The following AKAP13 variants were observed in gnomAD, a reference collection of about 807,000 sequenced individuals.
The protein encoded by AKAP13 is A-kinase anchoring protein 13.
Under a neutral mutation model 264.5 loss-of-function variants are expected in AKAP13, and 80 were observed. The observed-to-expected ratio is 0.30, with a 90% confidence interval of 0.25 to 0.36. The LOEUF (loss-of-function observed/expected upper bound fraction) is 0.36, where lower values mean the gene tolerates loss of function less well. Ranked by LOEUF, AKAP13 falls within the 10% of genes least tolerant of loss-of-function variation. The pLI is 1.00. For synonymous variants in AKAP13, 1,380 were observed against 1,250.2 expected (o/e 1.10, Z -2.19); for missense variants, 3,712 against 3,435.2 (o/e 1.08, Z -2.01).
intron 2 of AKAP13, among the ~76,000 whole-genome samples, chr15:85,517,778 G>A (rs938126784): frequency 1.3e-5 from 2 of 152,148 alleles, no homozygotes; most frequent in African/African-American, 2.4e-5. Context: ...ATAAGGCCTA[G>A]TATAGAGGTC....
chr15:85,539,426 G>C (rs916123556), intron 4 of AKAP13, among the ~76,000 whole-genome samples: 1 of 152,140 alleles, frequency 6.6e-6, no homozygotes, highest in East Asian at 1.9e-4. Context: ...TTTTTTAAGA[G>C]GTAGTCCAGA....
chr15:85,442,527 T>TA (rs1567059801), intron 1 of AKAP13, among the ~76,000 whole-genome samples: 2 of 74,078 alleles, frequency 2.7e-5, no homozygotes, highest in Non-Finnish European at 6.3e-5. Context: ...TATTATATTA[T>TA]ATATAATATA....
At position 85,658,486 on chromosome 15, in the gene AKAP13, A is replaced by ATTTTGTT. The variant is rs775510004; in HGVS notation, c.4746-50_4746-49insTTTGTTT. ...GTGTCTGTATGTTTCATGCATTTGT[A>ATTTTGTT]TCCCATTTTGTTTCACCTGCAACAC... On this transcript the variant is annotated intron_variant, in intron 11 of 36. Coordinates refer to ENST00000394518, the MANE Select transcript of AKAP13 (RefSeq NM_007200.5). The ATTTTGTT allele has an allele frequency of 3.9e-6, 6 of 1,543,640 alleles. No individual in the cohort carries two copies. In the South Asian group the frequency reaches 6.8e-5, roughly 17 times the overall value.
chr15:85,433,117 GTTTTTTTTTT>G (rs199655190), intron 1 of AKAP13, among the ~76,000 whole-genome samples: 10 of 53,246 alleles, frequency 1.9e-4, no homozygotes, highest in Admixed American at 4.7e-4. Flanking sequence ...CTTCTGTACA[GTTTTTTTTTT>G]TTTTTTTTTT....
chr15:85,669,485 A>G (rs557779342), intron 13 of AKAP13, among the ~76,000 whole-genome samples: 2 of 152,324 alleles, frequency 1.3e-5, no homozygotes, highest in South Asian at 2.1e-4. Context: ...AATGATCCCC[A>G]TTTTACAGAT....
intron 13 of AKAP13, 106 bp downstream of exon 13, chr15:85,664,861 C>A: frequency 2.8e-6 from 3 of 1,058,096 alleles, no homozygotes; most frequent in Non-Finnish European, 4.0e-6. Flanking sequence ...ATTACTTACC[C>A]ATTATATGAT....
In AKAP13 at chr15:85,453,319, G is replaced by T. The variant is rs536354458; in HGVS notation, c.-11-32391G>T. On this transcript the variant is annotated intron_variant, in intron 1 of 36. Transcript: ENST00000394518. ...CTGGAGCCCCAGGCTTGGAGGACCT[G>T]CCCTGTGAGGAGATATGGGATCAGC... 2.0e-5 allele frequency among the ~76,000 whole-genome samples: 3 copies of T among 151,514 alleles called. No homozygotes were observed. In the East Asian group the frequency reaches 5.9e-4, roughly 30 times the overall value.
At chr15:85,622,631 G>C (rs1434896767) in intron 8 of AKAP13, among the ~76,000 whole-genome samples, 3 of 152,234 alleles carry the variant, frequency 2.0e-5, no homozygotes, top group Non-Finnish European at 4.4e-5. Context: ...TCTGAAGTGG[G>C]AAGAAGTGAA....
At position 85,639,389 on chromosome 15, in the gene AKAP13, T is replaced by A. The variant is rs1330063743; in HGVS notation, c.4177T>A (p.Trp1393Arg). Residue 1393 changes from tryptophan to arginine, a missense_variant, in exon 9 of 37, where the codon TGG becomes AGG. This residue lies in a region of AKAP13 where 2,759 missense variants were observed against 2,411.7 expected (regional missense o/e 1.14). Transcript: ENST00000394518. The part of the protein sequence containing the change: ...PMTQAINREN[W>R]CTIEPCPDAA... ...TTTCTTTCAGATAAACCGAGAAAAC[T>A]GGTGTACAATAGAGCCATGCCCTGA... 13 of 1,611,208 alleles carry A rather than the reference T, an allele frequency of 8.1e-6. No homozygotes were observed. The highest frequency in any genetic ancestry group is 1.0e-5 in the Non-Finnish European group (12 of 1,178,912).
chr15:85,487,356 C>T (rs1026737722), intron 2 of AKAP13, among the ~76,000 whole-genome samples: 8 of 152,276 alleles, frequency 5.3e-5, no homozygotes, highest in South Asian at 2.1e-4. Context: ...GAGAAAGCAT[C>T]CAAGCTTTCA....
chr15:85,682,146 C>T lies in AKAP13; in HGVS notation c.5102-12C>T, dbSNP rs376180039. On this transcript the variant is annotated splice_polypyrimidine_tract_variant and intron_variant, in intron 14 of 36. Transcript: ENST00000394518. ...TTTTTGGTTCTAACTTTTTTTCTGC[C>T]TTGTTTTCTAGATTCACGGCCCTTC... The T allele has an allele frequency of 9.9e-6, 16 of 1,612,952 alleles. No homozygotes were observed. Among genetic ancestry groups the T allele is most frequent in the East Asian group, 2.2e-5 (1 of 44,810 alleles).
At chr15:85,447,913 T>C (rs1596211922) in intron 1 of AKAP13, among the ~76,000 whole-genome samples, 1 of 152,358 alleles carries the variant, frequency 6.6e-6, no homozygotes, top group East Asian at 1.9e-4. Context: ...GGTTGAATGG[T>C]AGTTCTGCTT....
chr15:85,567,038 T>G (rs188805124), intron 5 of AKAP13, among the ~76,000 whole-genome samples: 3 of 152,312 alleles, frequency 2.0e-5, no homozygotes, highest in Non-Finnish European at 1.5e-5. Flanking sequence ...CATAGTAATG[T>G]AGATACTGAA....
At position 85,581,343 on chromosome 15, in the gene AKAP13, C is replaced by T. The variant is rs757764236; in HGVS notation, c.3275C>T (p.Thr1092Ile). The change falls in exon 7 of 37, where the codon ACA becomes ATA. Residue 1092 changes from threonine (T) to isoleucine (I), a missense_variant. Coordinates refer to ENST00000394518, the MANE Select transcript of AKAP13 (RefSeq NM_007200.5). ...EVSGDVTVDVTGVNALQGMAE... is the reference protein window; with the variant it reads ...EVSGDVTVDVIGVNALQGMAE... ...AGTGGAGATGTGACGGTGGATGTTA[C>T]AGGGGTTAATGCTCTACAAGGTATG... The T allele has an allele frequency of 3.1e-6, 5 of 1,614,180 alleles. No homozygotes were observed. The highest frequency in any genetic ancestry group is 1.7e-5 in the Admixed American group (1 of 60,022).
intron 23 of AKAP13, among the ~76,000 whole-genome samples, chr15:85,720,052 C>T (rs537614249): frequency 6.6e-6 from 1 of 152,080 alleles, no homozygotes; most frequent in East Asian, 1.9e-4. Flanking sequence ...GGCAACGTAC[C>T]AAGAGCTGTC....
intron 1 of AKAP13, among the ~76,000 whole-genome samples, chr15:85,427,057 G>A (rs1017507446): frequency 2.7e-5 from 4 of 147,664 alleles, no homozygotes; most frequent in Admixed American, 1.4e-4. Context: ...CTGGGTTCAC[G>A]CCATTCTCCT....
At chr15:85,634,716 C>T (rs923959278) in intron 8 of AKAP13, among the ~76,000 whole-genome samples, 3 of 152,136 alleles carry the variant, frequency 2.0e-5, no homozygotes, top group African/African-American at 7.2e-5. Context: ...TCTGTTCTGT[C>T]TCCCTGTAGT....
At chr15:85,700,823 AAAAAACTGCT>A (rs1412831362) in intron 17 of AKAP13, among the ~76,000 whole-genome samples, 1 of 152,238 alleles carries the variant, frequency 6.6e-6, no homozygotes, top group East Asian at 1.9e-4. Context: ...AGCCATTAAA[AAAAAACTGCT>A]AATATTGGTT....
chr15:85,382,665 T>C (rs1467449245), intron 1 of AKAP13, among the ~76,000 whole-genome samples: 3 of 152,182 alleles, frequency 2.0e-5, no homozygotes, highest in East Asian at 1.9e-4. Flanking sequence ...TCACACTTCT[T>C]TTGCCTTGAC....
Sources: allele counts gnomAD v4.1 joint callset (sites outside exome capture counted in the v4.1 genomes callset), GRCh38; gene constraint gnomAD v4.1.1; regional missense constraint gnomAD v4.1.1; transcripts MANE v1.5; gene names NCBI Gene and HGNC (gene_info 2026-07-23, HGNC 2026-07-21).